The following TPRG1 variants were observed in gnomAD, a reference collection of about 807,000 sequenced individuals.
TPRG1 encodes the protein tumor protein p63 regulated 1.
In TPRG1, 29 loss-of-function variants were observed where a neutral mutation model predicts 29.3. The ratio of observed to expected loss-of-function variants is 0.99; its 90% confidence interval spans 0.74 to 1.35. The LOEUF (loss-of-function observed/expected upper bound fraction) is 1.35, where lower values mean the gene tolerates loss of function less well. Ranked by LOEUF, TPRG1 falls within the 40% of genes most tolerant of loss-of-function variation. The probability of loss-of-function intolerance (pLI) is 0.00; values close to 1 mark genes in which losing one functional copy is unlikely to be tolerated. For synonymous variants in TPRG1, 130 were observed against 116.8 expected (o/e 1.11, Z -0.73); for missense variants, 327 against 335.0 (o/e 0.98, Z 0.19).
intron 4 of TPRG1, among the ~76,000 whole-genome samples, chr3:189,050,728 T>C (rs1715264966): frequency 6.6e-6 from 1 of 152,132 alleles, no homozygotes; most frequent in Admixed American, 6.5e-5. Context: ...AAAAAGGTAA[T>C]CCACCATTAT....
At chr3:189,027,163 T>G (rs542358571) in intron 4 of TPRG1, among the ~76,000 whole-genome samples, 9 of 152,320 alleles carry the variant, frequency 5.9e-5, no homozygotes, top group African/African-American at 2.2e-4. Flanking sequence ...TCTTCTTTCC[T>G]TGACCAACCT....
chr3:189,294,772 G>A (rs1324211784), intron 4 of TPRG1, among the ~76,000 whole-genome samples: 2 of 151,366 alleles, frequency 1.3e-5, no homozygotes, highest in African/African-American at 4.9e-5. Flanking sequence ...TCCCTTTTCT[G>A]TGTCACCTTT....
intron 1 of TPRG1, among the ~76,000 whole-genome samples, chr3:189,195,745 A>G (rs1050514726): frequency 6.6e-6 from 1 of 151,984 alleles, no homozygotes; most frequent in Non-Finnish European, 1.5e-5. Flanking sequence ...GATTCCTAGG[A>G]TCCTCTTGCT....
chr3:189,296,187 T>C (rs1271846667), intron 4 of TPRG1, among the ~76,000 whole-genome samples: 1 of 152,232 alleles, frequency 6.6e-6, no homozygotes, highest in Non-Finnish European at 1.5e-5. Flanking sequence ...CAATTTCTGA[T>C]CAAAATCTTC....
intron 1 of TPRG1, among the ~76,000 whole-genome samples, chr3:189,123,960 G>A (rs1402802299): frequency 6.6e-6 from 1 of 152,170 alleles, no homozygotes; most frequent in African/African-American, 2.4e-5. Context: ...AATTAGAGGT[G>A]GTACTGCTGT....
In TPRG1 at chr3:189,044,282, C is replaced by T. The variant is rs1274130616; in HGVS notation, c.-463+20336C>T. Among the ~76,000 whole-genome samples the T allele has an allele frequency of 2.6e-5, 4 of 152,152 alleles. No homozygotes were observed. The East Asian group carries it at 5.8e-4, about 22-fold the overall frequency. On this transcript the variant is annotated intron_variant, in intron 4 of 10. Transcript: ENST00000433971. ...AAAGAAAAAAAAATGTGGCCGGGTA[C>T]GGTGGCTCACACCTGTAATCCCAGG...
intron 3 of TPRG1, among the ~76,000 whole-genome samples, chr3:189,238,504 T>C (rs182450613): frequency 5.6e-4 from 85 of 152,324 alleles, no homozygotes; most frequent in African/African-American, 2.0e-3. Context: ...CAACTATCTT[T>C]GAGTTCTGGG....
At chr3:189,234,150 A>G (rs1205780927) in intron 3 of TPRG1, among the ~76,000 whole-genome samples, 1 of 152,174 alleles carries the variant, frequency 6.6e-6, no homozygotes, top group Non-Finnish European at 1.5e-5. Context: ...AAGTGTTGAG[A>G]TTACAGGCCT....
At chr3:189,260,020 A>G (rs566581987) in intron 4 of TPRG1, among the ~76,000 whole-genome samples, 1 of 152,266 alleles carries the variant, frequency 6.6e-6, no homozygotes, top group African/African-American at 2.4e-5. Flanking sequence ...GAGGAGATAG[A>G]ATATAGACAG....
At chr3:189,320,500 T>G (rs1265770309) in intron 5 of TPRG1, 126 bp from the exon 6 acceptor site, 1 of 671,310 alleles carries the variant, frequency 1.5e-6, no homozygotes, top group Non-Finnish European at 2.3e-6. Flanking sequence ...CATTTATGTT[T>G]AAGAAGTAAG....
chr3:189,293,023 T>C (rs1001544106), intron 4 of TPRG1, among the ~76,000 whole-genome samples: 4 of 152,302 alleles, frequency 2.6e-5, no homozygotes, highest in South Asian at 2.1e-4. Flanking sequence ...CTCTGCTTAA[T>C]AGGAACCGGC....
chr3:189,050,787 T>G (rs555482862), intron 4 of TPRG1, among the ~76,000 whole-genome samples: 18 of 152,172 alleles, frequency 1.2e-4, no homozygotes, highest in South Asian at 6.2e-4. Flanking sequence ...CGTACACAAG[T>G]CAATAAATGT....
chr3:189,190,812 A>G (rs1157560613), intron 1 of TPRG1, among the ~76,000 whole-genome samples: 5 of 152,220 alleles, frequency 3.3e-5, no homozygotes, highest in Non-Finnish European at 5.9e-5. Flanking sequence ...ACCACTCTTC[A>G]TAATGAGTTC....
intron 4 of TPRG1, among the ~76,000 whole-genome samples, chr3:189,278,410 G>A (rs1214919556): frequency 6.6e-6 from 1 of 152,128 alleles, no homozygotes; most frequent in East Asian, 1.9e-4. Context: ...CTGGAAGCCG[G>A]TGCTGGAAAG....
At chr3:189,226,941 T>C (rs1737837558) in intron 3 of TPRG1, among the ~76,000 whole-genome samples, 1 of 151,826 alleles carries the variant, frequency 6.6e-6, no homozygotes, top group African/African-American at 2.4e-5. Flanking sequence ...ATTCTACACA[T>C]ATCAATTTGA....
chr3:189,131,240 C>T (rs1190255168), intron 2 of TPRG1, among the ~76,000 whole-genome samples: 1 of 152,012 alleles, frequency 6.6e-6, no homozygotes, highest in Non-Finnish European at 1.5e-5. Flanking sequence ...AAAGAAATCC[C>T]TAATGAGTTA....
chr3:189,058,492 CTTTATA>C (rs1337258210), intron 4 of TPRG1, among the ~76,000 whole-genome samples: 3 of 152,242 alleles, frequency 2.0e-5, no homozygotes, highest in Non-Finnish European at 2.9e-5. Context: ...CTGCTTTATT[CTTTATA>C]TTTATAACTG....
intron 1 of TPRG1, among the ~76,000 whole-genome samples, chr3:189,194,119 G>A (rs1488428144): frequency 2.0e-5 from 3 of 151,868 alleles, no homozygotes; most frequent in African/African-American, 7.3e-5. Flanking sequence ...TGTGAAGGGT[G>A]TAGTGACCGT....
chr3:189,075,050 A>T (rs1469944294), intron 4 of TPRG1, among the ~76,000 whole-genome samples: 1 of 151,982 alleles, frequency 6.6e-6, no homozygotes, highest in Non-Finnish European at 1.5e-5. Context: ...TGACCTCGTG[A>T]TCCACCTACC....
Sources: allele counts gnomAD v4.1 joint callset (sites outside exome capture counted in the v4.1 genomes callset), GRCh38; gene constraint gnomAD v4.1.1; transcripts MANE v1.5; gene names NCBI Gene and HGNC (gene_info 2026-07-23, HGNC 2026-07-21).